GRHL1: variants seen among roughly 807,000 people sequenced by gnomAD.
GRHL1 encodes grainyhead like transcription factor 1.
GRHL1 carries 38 observed loss-of-function variants against 75.7 expected under a neutral mutation model. That is an observed-to-expected ratio of 0.50 (90% CI 0.39 to 0.66). The LOEUF is 0.66. Ranked by LOEUF, GRHL1 falls within the 30% of genes least tolerant of loss-of-function variation. The pLI is 0.00. For missense variants in GRHL1, 589 were observed against 767.5 expected, an observed-to-expected ratio of 0.77 and a Z score of 2.75; for synonymous variants, 266 against 279.4, an observed-to-expected ratio of 0.95 and a Z score of 0.48.
intron 8 of GRHL1, among the ~76,000 whole-genome samples, chr2:9,976,166 A>T (rs1216994609): frequency 6.6e-6 from 1 of 152,214 alleles, no homozygotes; most frequent in Admixed American, 6.5e-5. Context: ...GAATGGAAAG[A>T]TGAGTAATCC....
chr2:9,977,739 G>A (rs185972972), intron 8 of GRHL1, among the ~76,000 whole-genome samples: 3 of 152,308 alleles, frequency 2.0e-5, no homozygotes, highest in Admixed American at 6.5e-5. Flanking sequence ...TTCTCACTCC[G>A]CCCTCCGTGT....
chr2:9,990,829 A>C lies in GRHL1; in HGVS notation c.1321+82A>C. The C allele has an allele frequency of 8.7e-7, 1 of 1,151,540 alleles. No homozygotes were observed. 71.3% of individuals were successfully genotyped at this position (1,151,540 alleles called of 1,614,324 possible). On this transcript the variant is annotated intron_variant, in intron 10 of 15. Coordinates refer to ENST00000324907, the MANE Select transcript of GRHL1 (RefSeq NM_198182.3). This position sits in a 1 kb window ranked among gnomAD's most constrained non-coding sequence, Gnocchi z 4.2. Reference sequence around the variant, plus strand: ...CAAGCTTCAGACCTTTTCCATTGAGAATGGTGGCTGGAGTTTGCACGCAGA... The same window carrying C: ...CAAGCTTCAGACCTTTTCCATTGAGCATGGTGGCTGGAGTTTGCACGCAGA...
rs772382325 is a variant in GRHL1 at position 9,972,879 on chromosome 2, T to C, written c.1110+7498T>C. On this transcript the variant is annotated intron_variant, in intron 8 of 15. Transcript: ENST00000324907. The stretch of plus-strand genomic sequence containing the variant: ...CAGGTACCTCCAGAGTGGTTTTTTT[T>C]TCTGTCTGTCTTTTTATCTCTGTGA... Among the ~76,000 whole-genome samples the C allele has an allele frequency of 8.1e-4, 124 of 152,300 alleles. 1 individual carries two copies. In the Middle Eastern group the frequency reaches 0.01, roughly 13 times the overall value.
intron 15 of GRHL1, 73 bp downstream of exon 15, chr2:9,999,102 C>G (rs1669154555): frequency 1.5e-6 from 1 of 649,136 alleles, no homozygotes; most frequent in Non-Finnish European, 2.6e-6. Flanking sequence ...GACGCACCCC[C>G]CAGTGCTGTT....
chr2:9,967,800 T>C (rs917237171), intron 8 of GRHL1, among the ~76,000 whole-genome samples: 1 of 152,242 alleles, frequency 6.6e-6, no homozygotes, highest in Non-Finnish European at 1.5e-5. Flanking sequence ...GTTGGTTTTT[T>C]TTTTTACTGT....
At chr2:9,979,117 G>A (rs1453553010) in intron 8 of GRHL1, among the ~76,000 whole-genome samples, 18 of 117,990 alleles carry the variant, frequency 1.5e-4, no homozygotes, top group Admixed American at 6.9e-4. Flanking sequence ...CCGAGATCGC[G>A]CCACTGCATT....
At chr2:9,960,748 A>G (rs900068249) in intron 3 of GRHL1, 4 of 283,594 alleles carry the variant, frequency 1.4e-5, no homozygotes, top group African/African-American at 2.2e-5. Flanking sequence ...GCATAGCTTC[A>G]GGTTTCTAGT....
At chr2:9,956,999 C>CT (rs200612011) in intron 2 of GRHL1, among the ~76,000 whole-genome samples, 9,003 of 135,710 alleles carry the variant, frequency 0.066, 513 homozygotes, top group African/African-American at 0.14. Flanking sequence ...TCTTCTTCTT[C>CT]TTCTTTTTTT....
intron 11 of GRHL1, 53 bp from the exon 12 acceptor site, chr2:9,993,154 G>A: frequency 7.9e-7 from 1 of 1,266,558 alleles, no homozygotes; most frequent in Non-Finnish European, 1.2e-6. Context: ...ATTCATTTAT[G>A]GCCAAACATT....
intron 8 of GRHL1, among the ~76,000 whole-genome samples, chr2:9,982,385 T>A (rs1668237469): frequency 6.6e-6 from 1 of 152,162 alleles, no homozygotes; most frequent in Non-Finnish European, 1.5e-5. Context: ...TTACTCGAAT[T>A]TGGTAGGAAG....
In GRHL1 at chr2:9,995,856, C is replaced by T. The variant is rs151013514; in HGVS notation, c.1500-23C>T. 5.0e-5 allele frequency: 70 copies of T among 1,404,308 alleles called. No homozygotes were observed. In the East Asian group the frequency reaches 8.2e-4, roughly 16 times the overall value. 87.0% of individuals were successfully genotyped at this position (1,404,308 alleles called of 1,614,324 possible). A position where few individuals can be genotyped will look rare whatever the true frequency, so the allele number is the denominator to read the frequency against. ...GCAGCTGGTTAAGTTGAATCACTAA[C>T]GGCATATTTTGGATCACTGCAGCTC... On this transcript the variant is annotated intron_variant, in intron 12 of 15. Transcript: ENST00000324907.
chr2:9,971,801 C>G (rs573530180), intron 8 of GRHL1, among the ~76,000 whole-genome samples: 14 of 152,168 alleles, frequency 9.2e-5, no homozygotes, highest in Non-Finnish European at 2.1e-4. Context: ...TTAGCTGATA[C>G]AGAATAAAGT....
Position 9,961,491 on chromosome 2 carries a change from G to T in GRHL1, c.669+55G>T, listed in dbSNP as rs1486606128. On this transcript the variant is annotated intron_variant, in intron 4 of 15. Coordinates refer to ENST00000324907, the MANE Select transcript of GRHL1 (RefSeq NM_198182.3). The stretch of plus-strand genomic sequence containing the variant: ...GCCTGCGTGTTTGTATAAGTATTGG[G>T]TTCCACCTTTTCCTTGTTATGTAAG... 5 of 1,479,436 alleles carry T rather than the reference G, an allele frequency of 3.4e-6. No homozygotes were observed. The South Asian group carries it at 6.6e-5, about 20-fold the overall frequency. 91.6% of individuals were successfully genotyped at this position (1,479,436 alleles called of 1,614,324 possible).
chr2:9,966,858 C>G (rs1371203739), intron 8 of GRHL1, among the ~76,000 whole-genome samples: 7 of 152,180 alleles, frequency 4.6e-5, no homozygotes. Context: ...AAGGGTTTTC[C>G]TGCCAACCAC....
chr2:9,961,636 C>T (rs1479337318), intron 4 of GRHL1, among the ~76,000 whole-genome samples, 200 bp downstream of exon 4: 1 of 152,100 alleles, frequency 6.6e-6, no homozygotes, highest in African/African-American at 2.4e-5. Flanking sequence ...ATCAAGGATG[C>T]AAGGCTAATC....
intron 8 of GRHL1, among the ~76,000 whole-genome samples, chr2:9,971,189 T>A (rs1275694142): frequency 6.6e-6 from 1 of 152,032 alleles, no homozygotes; most frequent in Non-Finnish European, 1.5e-5. Context: ...ACATATTGCT[T>A]GCATTTATCA....
At chr2:9,965,442 G>A in intron 8 of GRHL1, 61 bp downstream of exon 8, 1 of 882,542 alleles carries the variant, frequency 1.1e-6, no homozygotes, top group East Asian at 2.4e-5. Flanking sequence ...GGAGTTTAAT[G>A]ATTTGACAAC....
In GRHL1 at chr2:9,992,563, C is replaced by T. The variant is rs555466379; in HGVS notation, c.1461+417C>T. 9.9e-5 allele frequency among the ~76,000 whole-genome samples: 15 copies of T among 152,282 alleles called. No individual in the cohort carries two copies. The highest frequency in any genetic ancestry group is 3.4e-4 in the African/African-American group (14 of 41,558). ...TTTCTCACAGTTCCAGTTACTGAGC[C>T]GTCCTTGCCACGTGTAGTTACCAAT... On this transcript the variant is annotated intron_variant, in intron 11 of 15. Coordinates refer to ENST00000324907, the MANE Select transcript of GRHL1 (RefSeq NM_198182.3). This position sits in a 1 kb window ranked among gnomAD's most constrained non-coding sequence, Gnocchi z 4.6.
intron 8 of GRHL1, among the ~76,000 whole-genome samples, chr2:9,982,986 G>A (rs769491235): frequency 2.0e-5 from 3 of 151,510 alleles, no homozygotes; most frequent in Non-Finnish European, 2.9e-5. Context: ...GCACTGGGTC[G>A]CAGTGCTTAG....
Sources: gnomAD v4.1 joint callset for allele counts (sites outside exome capture counted in the v4.1 genomes callset) on GRCh38, gnomAD v4.1.1 for gene constraint, Gnocchi (gnomAD v3.1) non-coding constraint, MANE v1.5 for transcripts, NCBI Gene and HGNC (gene_info 2026-07-23, HGNC 2026-07-21) for gene names.